SFXN1: variants seen among roughly 807,000 people sequenced by gnomAD.
SFXN1 encodes sideroflexin 1, also known as sideroflexin-1.
In SFXN1, 32 loss-of-function variants were observed where a neutral mutation model predicts 39.5. That is an observed-to-expected ratio of 0.81 (90% CI 0.61 to 1.09). The LOEUF (loss-of-function observed/expected upper bound fraction) is 1.09. Among genes scored for constraint, SFXN1 ranks in the 50% least tolerant of loss-of-function variants. The pLI is 0.00. For missense variants in SFXN1, 402 were observed against 407.1 expected, an observed-to-expected ratio of 0.99 and a Z score of 0.11; for synonymous variants, 136 against 146.5, an observed-to-expected ratio of 0.93 and a Z score of 0.52.
At chr5:175,507,488 A>G (rs1760349319) in intron 2 of SFXN1, among the ~76,000 whole-genome samples, 1 of 152,194 alleles carries the variant, frequency 6.6e-6, no homozygotes, top group Admixed American at 6.5e-5. Context: ...AACACATCAC[A>G]TTTAGCTTCT....
intron 2 of SFXN1, among the ~76,000 whole-genome samples, chr5:175,505,703 A>T (rs1223591118): frequency 1.3e-5 from 2 of 152,310 alleles, no homozygotes; most frequent in African/African-American, 4.8e-5. Context: ...GGGTATTGGC[A>T]TCAGAATATG....
chr5:175,483,143 ATTAT>A (rs1759319245), intron 1 of SFXN1, among the ~76,000 whole-genome samples: 1 of 152,210 alleles, frequency 6.6e-6, no homozygotes, highest in Non-Finnish European at 1.5e-5. Context: ...TCTCTATGAA[ATTAT>A]TTCCGTCTCT....
At chr5:175,507,973 TAAAA>T (rs74722265) in intron 2 of SFXN1, among the ~76,000 whole-genome samples, 4 of 124,298 alleles carry the variant, frequency 3.2e-5, no homozygotes, top group Non-Finnish European at 5.0e-5. Flanking sequence ...ACCCTGTCTT[TAAAA>T]AAAAAAAAAA....
At chr5:175,490,456 T>C (rs1759614739) in intron 1 of SFXN1, among the ~76,000 whole-genome samples, 4 of 152,196 alleles carry the variant, frequency 2.6e-5, no homozygotes. Context: ...TGATATGTGT[T>C]CATTGGAGAT....
At chr5:175,504,489 C>T (rs1218189144) in intron 2 of SFXN1, among the ~76,000 whole-genome samples, 2 of 150,704 alleles carry the variant, frequency 1.3e-5, no homozygotes, top group African/African-American at 4.9e-5. Flanking sequence ...GCAGGAGAAT[C>T]GCTTGAACCT....
At chr5:175,483,264 A>G (rs1243329455) in intron 1 of SFXN1, among the ~76,000 whole-genome samples, 3 of 152,210 alleles carry the variant, frequency 2.0e-5, no homozygotes, top group African/African-American at 4.8e-5. Flanking sequence ...AGCCGACATC[A>G]TTGTGAGAAT....
At chr5:175,481,834 C>T (rs1759264036) in intron 1 of SFXN1, among the ~76,000 whole-genome samples, 1 of 152,202 alleles carries the variant, frequency 6.6e-6, no homozygotes, top group Non-Finnish European at 1.5e-5. Flanking sequence ...ATTCAACTCT[C>T]TGATCTATAA....
chr5:175,516,635 A>C lies in SFXN1; in HGVS notation c.746A>C (p.Asn249Thr). 6.2e-7 allele frequency: 1 copy of C among 1,613,304 alleles called. No homozygotes were observed. Among genetic ancestry groups the C allele is most frequent in the Non-Finnish European group, 8.5e-7 (1 of 1,179,722 alleles). Residue 249 changes from asparagine (N) to threonine (T), a missense_variant, in exon 8 of 11, where the codon AAC (asparagine) becomes ACC (threonine). Asn to Thr is a moderately conservative substitution (Grantham distance 65, BLOSUM62 0). Transcript: ENST00000321442. ...PGMAIPPFIMNTLEKKAFLKR... is the reference protein window; with the variant it reads ...PGMAIPPFIMTTLEKKAFLKR... ...CCAGCCATCCCTCCATTCATTATGA[A>C]CACTTTGGAAAAGAAAGCCTTTTTG...
intron 1 of SFXN1, among the ~76,000 whole-genome samples, chr5:175,480,590 G>C (rs570605168): frequency 6.6e-6 from 1 of 152,322 alleles, no homozygotes; most frequent in African/African-American, 2.4e-5. Flanking sequence ...TCAGTGAAGT[G>C]TTTAGCTGTT....
At chr5:175,525,493 TC>T (rs1362499980) in intron 10 of SFXN1, among the ~76,000 whole-genome samples, 1 of 152,242 alleles carries the variant, frequency 6.6e-6, no homozygotes, top group Non-Finnish European at 1.5e-5. Flanking sequence ...GGATTTTTTT[TC>T]CTACCTTTTT....
chr5:175,510,032 C>T, intron 3 of SFXN1, 77 bp from the exon 4 acceptor site: 1 of 1,160,758 alleles, frequency 8.6e-7, no homozygotes, highest in Non-Finnish European at 1.3e-6. Flanking sequence ...TCTCTGGTTA[C>T]TGGTGTTCAC....
chr5:175,516,974 T>G (rs1488849186), intron 8 of SFXN1, among the ~76,000 whole-genome samples: 1 of 152,206 alleles, frequency 6.6e-6, no homozygotes, highest in African/African-American at 2.4e-5. Context: ...TACAAGTCAG[T>G]AGTCATCCTA....
chr5:175,496,602 TAAC>T (rs1038121021), intron 2 of SFXN1, among the ~76,000 whole-genome samples: 9 of 152,140 alleles, frequency 5.9e-5, no homozygotes, highest in South Asian at 2.1e-4. Flanking sequence ...TTTACTAACA[TAAC>T]AACAAATTAA....
rs779172640 is a variant in SFXN1 at position 175,511,483 on chromosome 5, C to T, written c.467C>T (p.Thr156Ile). 6.2e-7 allele frequency: 1 copy of T among 1,614,180 alleles called. No individual in the cohort carries two copies. The highest frequency in any genetic ancestry group is 8.5e-7 in the Non-Finnish European group (1 of 1,180,018). ...ELGTAYVSATTGAVATALGLN... is the reference protein window; with the variant it reads ...ELGTAYVSATIGAVATALGLN... ...GGAACAGCTTACGTTTCTGCAACAA[C>T]TGGTGCCGTAGCAACAGCTCTAGGA... The change falls in exon 5 of 11, where the codon ACT becomes ATT. Residue 156 changes from threonine to isoleucine, a missense_variant. Transcript: ENST00000321442.
chr5:175,487,832 C>T (rs10069602), intron 1 of SFXN1, among the ~76,000 whole-genome samples: 3 of 152,252 alleles, frequency 2.0e-5, no homozygotes, highest in Non-Finnish European at 4.4e-5. Flanking sequence ...TCGGCCCTCT[C>T]CACCTCCAGT....
chr5:175,513,546 C>A lies in SFXN1; in HGVS notation c.680C>A (p.Thr227Lys). The A allele has an allele frequency of 6.2e-7, 1 of 1,613,912 alleles. No individual in the cohort carries two copies. The highest frequency in any genetic ancestry group is 8.5e-7 in the Non-Finnish European group (1 of 1,179,918). ...ESANAAKQAI[T>K]QVVVSRILMA... ...GCGAACGCTGCGAAACAAGCCATCACGCAAGTTGTCGTGTCCAGGATTCTC... is the reference window on the plus strand; with the variant it reads ...GCGAACGCTGCGAAACAAGCCATCAAGCAAGTTGTCGTGTCCAGGATTCTC... Residue 227 changes from threonine to lysine, a missense_variant, in exon 7 of 11, where the codon ACG becomes AAG. Thr to Lys is a moderately conservative substitution (Grantham distance 78). Transcript: ENST00000321442.
intron 2 of SFXN1, among the ~76,000 whole-genome samples, chr5:175,504,375 C>T (rs111780123): frequency 1.3e-5 from 2 of 151,914 alleles, no homozygotes; most frequent in African/African-American, 4.8e-5. Context: ...AGGAGTTCAA[C>T]ACCAGCCTGG....
intron 2 of SFXN1, among the ~76,000 whole-genome samples, chr5:175,500,454 A>AC (rs1760033305): frequency 1.1e-4 from 16 of 143,828 alleles, no homozygotes; most frequent in East Asian, 1.0e-3. Flanking sequence ...ACACACACAC[A>AC]AATTACAGAG....
At chr5:175,508,246 T>TTG (rs1760384291) in intron 2 of SFXN1, among the ~76,000 whole-genome samples, 1 of 136,164 alleles carries the variant, frequency 7.3e-6, no homozygotes, top group African/African-American at 2.8e-5. Flanking sequence ...TTTTTTTTTT[T>TTG]TTGAGAGGGT....
Sources: gnomAD v4.1 joint callset for allele counts (sites outside exome capture counted in the v4.1 genomes callset) on GRCh38, gnomAD v4.1.1 for gene constraint, MANE v1.5 for transcripts, NCBI Gene and HGNC (gene_info 2026-07-23, HGNC 2026-07-21) for gene names.